Variants in PCDHGB5 observed in about 807,000 individuals in gnomAD.
PCDHGB5 encodes the protein protocadherin gamma subfamily B, 5.
Under a neutral mutation model 62.9 loss-of-function variants are expected in PCDHGB5, and 48 were observed. The observed-to-expected ratio is 0.76, with a 90% CI of 0.61 to 0.97. PCDHGB5 has a LOEUF of 0.97. Among genes scored for constraint, PCDHGB5 ranks in the 50% least tolerant of loss-of-function variants. PCDHGB5 has a pLI of 0.00. For synonymous variants in PCDHGB5, 474 were observed against 511.2 expected (o/e 0.93, Z 0.98); for missense variants, 1,118 against 1,198.6 (o/e 0.93, Z 0.99).
At position 141,490,044 on chromosome 5, in the gene PCDHGB5, T is replaced by C; in HGVS notation, c.2398-4763T>C. The C allele has an allele frequency of 1.2e-6, 2 of 1,614,192 alleles. No individual in the cohort carries two copies. Among genetic ancestry groups the C allele is most frequent in the Non-Finnish European group, 1.7e-6 (2 of 1,180,024 alleles). The stretch of plus-strand genomic sequence containing the variant: ...TGCTGCTCCGCCTCAATGCCACTGA[T>C]CCAGACGAGGGCACCAACGGCCAAC... On this transcript the variant is annotated intron_variant, in intron 1 of 3. Transcript: ENST00000617380. The surrounding 1 kb of genome is among the most constrained non-coding windows in gnomAD (Gnocchi z 5.4).
At position 141,477,763 on chromosome 5, in the gene PCDHGB5, C is replaced by A. The variant is rs763322593; in HGVS notation, c.2398-17044C>A. On this transcript the variant is annotated intron_variant, in intron 1 of 3. Coordinates refer to ENST00000617380, the MANE Select transcript of PCDHGB5 (RefSeq NM_018925.3). The surrounding 1 kb of genome is among the most constrained non-coding windows in gnomAD (Gnocchi z 4.9). ...ATGGGGGCACCCCGGTCCTAGCCAC[C>A]AACATCAGCGTGAACATATTTGTCA... 5.0e-6 allele frequency: 8 copies of A among 1,613,894 alleles called. No homozygotes were observed. The East Asian group carries it at 1.6e-4, about 31-fold the overall frequency.
chr5:141,502,955 T>C (rs2099817293), intron 2 of PCDHGB5, among the ~76,000 whole-genome samples: 1 of 149,868 alleles, frequency 6.7e-6, no homozygotes, highest in Non-Finnish European at 1.5e-5. Context: ...GCGATTCTCC[T>C]GCCTCAGCCT....
intron 1 of PCDHGB5, among the ~76,000 whole-genome samples, chr5:141,452,542 C>T (rs2098743637): frequency 6.6e-6 from 1 of 152,180 alleles, no homozygotes; most frequent in Admixed American, 6.6e-5. Flanking sequence ...CATATTGATA[C>T]CTCCAGTTCT....
chr5:141,490,033 A>C lies in PCDHGB5; in HGVS notation c.2398-4774A>C, dbSNP rs200482631. The C allele has an allele frequency of 4.0e-5, 65 of 1,614,116 alleles. No homozygotes were observed. Among genetic ancestry groups the C allele is most frequent in the Non-Finnish European group, 4.1e-5 (48 of 1,180,040 alleles). On this transcript the variant is annotated intron_variant, in intron 1 of 3. Transcript: ENST00000617380. This position sits in a 1 kb window ranked among gnomAD's most constrained non-coding sequence, Gnocchi z 5.4. ...CATTGGTACTCTGCTGCTCCGCCTC[A>C]ATGCCACTGATCCAGACGAGGGCAC...
Position 141,476,242 on chromosome 5 carries a change from G to T in PCDHGB5, c.2398-18565G>T. ...ACTATGAGATCCCGGAGGAAAGAGA[G>T]AAGGGTTTCGCTGTGGGCAACGTGG... is the stretch of plus-strand genomic sequence containing the variant. On this transcript the variant is annotated intron_variant, in intron 1 of 3. Coordinates refer to ENST00000617380, the MANE Select transcript of PCDHGB5 (RefSeq NM_018925.3). The surrounding 1 kb of genome is among the most constrained non-coding windows in gnomAD (Gnocchi z 7.6). 6.2e-7 allele frequency: 1 copy of T among 1,614,100 alleles called. No individual in the cohort carries two copies.
intron 1 of PCDHGB5, chr5:141,433,309 T>C: frequency 1.1e-6 from 1 of 901,134 alleles, no homozygotes; most frequent in Admixed American, 2.7e-5. Context: ...TTATCCCACC[T>C]TTGCCTCCGG....
chr5:141,400,858 G>A (rs1332975731), intron 1 of PCDHGB5, among the ~76,000 whole-genome samples: 1 of 152,108 alleles, frequency 6.6e-6, no homozygotes, highest in Non-Finnish European at 1.5e-5. Context: ...TTTATTGTAT[G>A]TAGATAAACC....
chr5:141,405,260 T>A, intron 1 of PCDHGB5: 1 of 1,614,140 alleles, frequency 6.2e-7, no homozygotes, highest in South Asian at 1.1e-5. Flanking sequence ...TCACCTGATC[T>A]TCCCCCAGCC....
At position 141,481,036 on chromosome 5, in the gene PCDHGB5, C is replaced by T. The variant is rs1040377549; in HGVS notation, c.2398-13771C>T. Among the ~76,000 whole-genome samples, 19 of 151,964 alleles carry T rather than the reference C, an allele frequency of 1.3e-4. 1 individual carries two copies. The highest frequency in any genetic ancestry group is 3.4e-4 in the African/African-American group (14 of 41,456). ...TCACACCACTGCACTCCAGCCTGGG[C>T]GACAGAGCGAGACTCCACCTCAAAA... is the stretch of plus-strand genomic sequence containing the variant. On this transcript the variant is annotated intron_variant, in intron 1 of 3. Transcript: ENST00000617380.
At chr5:141,425,069 A>C (rs771114613) in intron 1 of PCDHGB5, among the ~76,000 whole-genome samples, 30 of 152,170 alleles carry the variant, frequency 2.0e-4, no homozygotes, top group Non-Finnish European at 4.1e-4. Context: ...GACAAAAATA[A>C]TTTCAACTGT....
chr5:141,478,767 C>T (rs953695562), intron 1 of PCDHGB5: 44 of 1,500,650 alleles, frequency 2.9e-5, no homozygotes, highest in Non-Finnish European at 3.9e-5. Context: ...ATACTTGACT[C>T]ATCTGTGGAC....
At chr5:141,427,901 G>T in intron 1 of PCDHGB5, 1 of 1,572,232 alleles carries the variant, frequency 6.4e-7, no homozygotes. Flanking sequence ...GCTCGCCCGC[G>T]CTCAGCGCCA....
At position 141,495,662 on chromosome 5, in the gene PCDHGB5, C is replaced by T. The variant is rs545912968; in HGVS notation, c.2456+797C>T. The stretch of plus-strand genomic sequence containing the variant: ...TTTGTCTACTTGCATTGATCTGTGC[C>T]GCCCACTGTGCCTGCCATGGCATAA... On this transcript the variant is annotated intron_variant, in intron 2 of 3. Coordinates refer to ENST00000617380, the MANE Select transcript of PCDHGB5 (RefSeq NM_018925.3). Among the ~76,000 whole-genome samples, 8 of 152,256 alleles carry T rather than the reference C, an allele frequency of 5.3e-5. No individual in the cohort carries two copies. In the South Asian group the frequency reaches 6.2e-4, roughly 12 times the overall value.
At chr5:141,452,881 T>A (rs1273440996) in intron 1 of PCDHGB5, among the ~76,000 whole-genome samples, 1 of 152,166 alleles carries the variant, frequency 6.6e-6, no homozygotes, top group African/African-American at 2.4e-5. Context: ...TTTGTAATAA[T>A]TTATTCCACT....
intron 1 of PCDHGB5, among the ~76,000 whole-genome samples, chr5:141,488,236 T>A (rs1333427955): frequency 6.6e-6 from 1 of 152,154 alleles, no homozygotes; most frequent in Admixed American, 6.5e-5. Context: ...TTGAACTAGA[T>A]GCGGTAAATT....
Position 141,491,743 on chromosome 5 carries a change from A to G in PCDHGB5, c.2398-3064A>G, listed in dbSNP as rs752434173. ...GCCCCGGGCGACCCCTGGGGGCGGC[A>G]CTGGAGAAGCCGCCCGTCCTCATAA... On this transcript the variant is annotated intron_variant, in intron 1 of 3. Transcript: ENST00000617380. The surrounding 1 kb of genome is among the most constrained non-coding windows in gnomAD (Gnocchi z 6.9). 5.0e-6 allele frequency: 8 copies of G among 1,595,570 alleles called. No individual in the cohort carries two copies. In the Admixed American group the frequency reaches 1.4e-4, roughly 28 times the overall value.
At chr5:141,430,786 C>G (rs992448490) in intron 1 of PCDHGB5, 1 of 1,513,352 alleles carries the variant, frequency 6.6e-7, no homozygotes, top group Non-Finnish European at 8.8e-7. Context: ...TGCACCGGGA[C>G]TACAAAGGGC....
rs1378140695 is a variant in PCDHGB5, at chr5:141,485,189, A to G, written c.2398-9618A>G. On this transcript the variant is annotated intron_variant, in intron 1 of 3. Transcript: ENST00000617380. The surrounding 1 kb of genome is among the most constrained non-coding windows in gnomAD (Gnocchi z 5.7). ...GGCGGCAGCAATGCTCCGCAAGGTGAGAAGCTGGACAGAAATCTGGCGGTG... is the reference window on the plus strand; with the variant it reads ...GGCGGCAGCAATGCTCCGCAAGGTGGGAAGCTGGACAGAAATCTGGCGGTG... 1 of 1,613,726 alleles carries G rather than the reference A, an allele frequency of 6.2e-7. No homozygotes were observed. The highest frequency in any genetic ancestry group is 1.7e-5 in the Admixed American group (1 of 60,020).
intron 1 of PCDHGB5, chr5:141,402,987 G>GATTA: frequency 6.2e-7 from 1 of 1,611,924 alleles, no homozygotes; most frequent in Non-Finnish European, 8.5e-7. Flanking sequence ...CTCCGCGGAA[G>GATTA]ATTAGTCCTG....
Sources: gnomAD v4.1 joint callset for allele counts (sites outside exome capture counted in the v4.1 genomes callset) on GRCh38, gnomAD v4.1.1 for gene constraint, Gnocchi (gnomAD v3.1) non-coding constraint, MANE v1.5 for transcripts, NCBI Gene and HGNC (gene_info 2026-07-23, HGNC 2026-07-21) for gene names.